ZNF804B: variants seen among roughly 807,000 people sequenced by gnomAD.
ZNF804B encodes zinc finger protein 804B.
ZNF804B carries 80 observed loss-of-function variants against 101.4 expected under a neutral mutation model. The ratio of observed to expected loss-of-function variants is 0.79; its 90% CI spans 0.66 to 0.95. ZNF804B has a LOEUF of 0.95. Ranked by LOEUF, ZNF804B falls within the 40% of genes least tolerant of loss-of-function variation. The pLI, the probability that ZNF804B is intolerant of heterozygous loss-of-function variation, is 0.00. For missense variants in ZNF804B, 1,673 were observed against 1,561.9 expected (o/e 1.07, Z -1.20); for synonymous variants, 622 against 558.8 (o/e 1.11, Z -1.59).
chr7:88,894,115 C>CA (rs1239443262), intron 1 of ZNF804B, among the ~76,000 whole-genome samples: 1 of 151,988 alleles, frequency 6.6e-6, no homozygotes, highest in Non-Finnish European at 1.5e-5. Flanking sequence ...ATGGATAAAA[C>CA]ACTCTTTATA....
At chr7:88,870,474 T>A (rs1791806428) in intron 1 of ZNF804B, among the ~76,000 whole-genome samples, 1 of 151,594 alleles carries the variant, frequency 6.6e-6, no homozygotes, top group South Asian at 2.1e-4. Context: ...AGGAAACTGC[T>A]GCACTATTTC....
chr7:88,937,273 A>G (rs2116035342), intron 1 of ZNF804B, among the ~76,000 whole-genome samples: 1 of 152,224 alleles, frequency 6.6e-6, no homozygotes, highest in Admixed American at 6.6e-5. Context: ...GATACCGGCA[A>G]CAGGACTGTA....
At chr7:89,010,869 G>C (rs1049868671) in intron 1 of ZNF804B, among the ~76,000 whole-genome samples, 1 of 152,152 alleles carries the variant, frequency 6.6e-6, no homozygotes, top group African/African-American at 2.4e-5. Flanking sequence ...CCTAGAGTTT[G>C]ATTGCTGTGT....
chr7:88,796,207 A>T (rs2115698358), intron 1 of ZNF804B, among the ~76,000 whole-genome samples: 1 of 152,236 alleles, frequency 6.6e-6, no homozygotes, highest in South Asian at 2.1e-4. Context: ...ATTTTAAAAC[A>T]AGTTTAAAAA....
chr7:89,220,002 T>TACATATATGTGTGCATATATATATATAC (rs1491540820), intron 2 of ZNF804B, among the ~76,000 whole-genome samples: 1 of 27,588 alleles, frequency 3.6e-5, no homozygotes, highest in African/African-American at 1.3e-4. Flanking sequence ...TATATGTATA[T>TACATATATGTGTGCATATATATATATAC]GCACATATAT....
chr7:88,761,662 C>T (rs1789898464), intron 1 of ZNF804B, among the ~76,000 whole-genome samples: 1 of 152,302 alleles, frequency 6.6e-6, no homozygotes, highest in Middle Eastern at 3.4e-3. Flanking sequence ...CTTTGGTAAT[C>T]TCCGTGCCTG....
At chr7:89,041,172 G>T (rs747042246) in intron 1 of ZNF804B, among the ~76,000 whole-genome samples, 2 of 152,150 alleles carry the variant, frequency 1.3e-5, no homozygotes, top group African/African-American at 2.4e-5. Flanking sequence ...CTTTAAGCCT[G>T]ATTCGAAGGG....
chr7:89,238,017 C>A (rs1162486596), intron 2 of ZNF804B, among the ~76,000 whole-genome samples: 3 of 152,004 alleles, frequency 2.0e-5, no homozygotes, highest in African/African-American at 7.2e-5. Flanking sequence ...TATCTGTCTG[C>A]AGATGGGAAG....
In ZNF804B at chr7:89,336,004, A is replaced by T; in HGVS notation, c.3022A>T (p.Ser1008Cys). 1 of 1,614,054 alleles carries T rather than the reference A, an allele frequency of 6.2e-7. No homozygotes were observed. The highest frequency in any genetic ancestry group is 8.5e-7 in the Non-Finnish European group (1 of 1,179,996). The change falls in exon 4 of 4, where the codon AGT becomes TGT. Residue 1008 changes from serine (S) to cysteine (C), a missense_variant. Ser to Cys is a moderately radical substitution (Grantham distance 112). Transcript: ENST00000333190. ...PRTTEKDKSK[S>C]SHTNNFTILA... Reference sequence around the variant, plus strand: ...GACTACGGAGAAAGACAAAAGCAAAAGTTCACACACAAATAATTTTACAAT... The same window carrying T: ...GACTACGGAGAAAGACAAAAGCAAATGTTCACACACAAATAATTTTACAAT...
chr7:88,823,657 A>C (rs1791014879), intron 1 of ZNF804B, among the ~76,000 whole-genome samples: 2 of 151,936 alleles, frequency 1.3e-5, no homozygotes, highest in African/African-American at 2.4e-5. Context: ...ATTGGGTACC[A>C]CCCTTCTCAG....
At chr7:89,041,712 CTT>C (rs1789020308) in intron 1 of ZNF804B, among the ~76,000 whole-genome samples, 1 of 152,138 alleles carries the variant, frequency 6.6e-6, no homozygotes, top group Admixed American at 6.5e-5. Flanking sequence ...GGACACAACT[CTT>C]TTCACACTGT....
chr7:89,103,054 T>TTTTTTTTTTTGTTTG (rs1349892644), intron 1 of ZNF804B, among the ~76,000 whole-genome samples: 1 of 41,024 alleles, frequency 2.4e-5, no homozygotes, highest in African/African-American at 1.1e-4. Flanking sequence ...GTCTGTTTTT[T>TTTTTTTTTTTGTTTG]TTTTTTTTTT....
rs186398509 is a variant in ZNF804B, at chr7:89,223,481, A to G, written c.249+5186A>G. On this transcript the variant is annotated intron_variant, in intron 2 of 3. Transcript: ENST00000333190. ...ATTATATTTTCATGGTTATATTGTA[A>G]TTCTAGACGAGTAAGTCAACACACA... Among the ~76,000 whole-genome samples, 802 of 151,948 alleles carry G rather than the reference A, an allele frequency of 5.3e-3. 10 individuals are homozygous for G. The highest frequency in any genetic ancestry group is 7.8e-3 in the Non-Finnish European group (530 of 67,796).
intron 2 of ZNF804B, among the ~76,000 whole-genome samples, chr7:89,297,730 A>T (rs958949316): frequency 2.4e-4 from 36 of 151,980 alleles, no homozygotes; most frequent in South Asian, 1.9e-3. Flanking sequence ...CTCTATGAAG[A>T]TATGGATGTA....
At chr7:89,167,467 A>G (rs73204768) in intron 1 of ZNF804B, among the ~76,000 whole-genome samples, 1 of 151,416 alleles carries the variant, frequency 6.6e-6, no homozygotes, top group Non-Finnish European at 1.5e-5. Context: ...ATAAATAAAT[A>G]AATAATCCCT....
chr7:88,913,704 G>A (rs1792587178), intron 1 of ZNF804B, among the ~76,000 whole-genome samples: 1 of 152,032 alleles, frequency 6.6e-6, no homozygotes, highest in Admixed American at 6.6e-5. Flanking sequence ...CCAGAATCTG[G>A]TGTATTTTTA....
At chr7:89,105,828 AC>A (rs1260770947) in intron 1 of ZNF804B, among the ~76,000 whole-genome samples, 1 of 152,108 alleles carries the variant, frequency 6.6e-6, no homozygotes, top group Non-Finnish European at 1.5e-5. Flanking sequence ...CTTCTAACCA[AC>A]CAGCTTCATG....
At chr7:89,275,347 C>A (rs557284168) in intron 2 of ZNF804B, among the ~76,000 whole-genome samples, 1 of 152,102 alleles carries the variant, frequency 6.6e-6, no homozygotes, top group South Asian at 2.1e-4. Context: ...TGCCCTTGTA[C>A]ATCTCACTTT....
chr7:88,891,164 A>G (rs1359841739), intron 1 of ZNF804B, among the ~76,000 whole-genome samples: 1 of 152,106 alleles, frequency 6.6e-6, no homozygotes, highest in Non-Finnish European at 1.5e-5. Context: ...TGAGTTTTCC[A>G]TGTTATCCTT....
Sources: allele counts gnomAD v4.1 joint callset (sites outside exome capture counted in the v4.1 genomes callset), GRCh38; gene constraint gnomAD v4.1.1; transcripts MANE v1.5; gene names NCBI Gene and HGNC (gene_info 2026-07-23, HGNC 2026-07-21).